GSTA4: variants seen among roughly 807,000 people sequenced by gnomAD.
The protein encoded by GSTA4 is glutathione S-transferase alpha 4.
In GSTA4, 15 loss-of-function variants were observed where a neutral mutation model predicts 24.4. The observed-to-expected ratio is 0.61, with a 90% CI of 0.41 to 0.95. The LOEUF is 0.95. Ranked by LOEUF, GSTA4 falls within the 40% of genes least tolerant of loss-of-function variation. The probability of loss-of-function intolerance (pLI) is 0.00; values close to 1 mark genes in which losing one functional copy is unlikely to be tolerated. For missense variants in GSTA4, 244 were observed against 262.1 expected (o/e 0.93, Z 0.48); for synonymous variants, 92 against 94.2 (o/e 0.98, Z 0.13).
chr6:52,983,370 CCTT>C (rs1763489760), intron 5 of GSTA4, among the ~76,000 whole-genome samples: 1 of 152,154 alleles, frequency 6.6e-6, no homozygotes, highest in African/African-American at 2.4e-5. Context: ...GGGGAGATCC[CCTT>C]CACAGTCAAC....
Position 52,978,503 on chromosome 6 carries a change from A to G in GSTA4, c.636T>C (p.Tyr212=), listed in dbSNP as rs1189813619. Residue 212 remains tyrosine, a synonymous_variant, in exon 7 of 7, where the codon TAT becomes TAC. Transcript: ENST00000370963. The part of the protein sequence containing the change: ...SKKKPPPDEI[Y]VRTVYNIFRP ...TAAAGATGTTGTAGACGGTTCTCAC[A>G]TAAATTTCATCAGGGGGAGGCTTCT... 2.8e-5 allele frequency: 45 copies of G among 1,613,654 alleles called. No homozygotes were observed. The highest frequency in any genetic ancestry group is 3.7e-5 in the Non-Finnish European group (44 of 1,179,758).
intron 3 of GSTA4, among the ~76,000 whole-genome samples, chr6:52,986,652 G>A (rs1763566149): frequency 6.6e-6 from 1 of 152,188 alleles, no homozygotes; most frequent in Non-Finnish European, 1.5e-5. Context: ...GGTGAGGGGA[G>A]AGGCAAGAGG....
intron 2 of GSTA4, among the ~76,000 whole-genome samples, chr6:52,988,317 C>G (rs1482668051): frequency 1.3e-5 from 2 of 150,924 alleles, no homozygotes; most frequent in Non-Finnish European, 3.0e-5. Flanking sequence ...AGGAAAAGCT[C>G]TTTTTTACAG....
At chr6:52,988,420 C>T (rs933044817) in intron 2 of GSTA4, among the ~76,000 whole-genome samples, 2 of 152,090 alleles carry the variant, frequency 1.3e-5, no homozygotes, top group African/African-American at 4.8e-5. Flanking sequence ...TCTAACCAAA[C>T]AATCAAACTT....
chr6:52,983,724 C>T (rs113846053), intron 5 of GSTA4, among the ~76,000 whole-genome samples: 264 of 152,268 alleles, frequency 1.7e-3, no homozygotes, highest in African/African-American at 5.9e-3. Context: ...CCTCTGTGCC[C>T]GTTCCAGACC....
intron 4 of GSTA4, 63 bp from the exon 5 acceptor site, chr6:52,984,668 T>A: frequency 1.6e-6 from 2 of 1,249,624 alleles, no homozygotes; most frequent in Non-Finnish European, 2.2e-6. Flanking sequence ...TTTCCACAAC[T>A]AAGAATTCAG....
At position 52,992,322 on chromosome 6, in the gene GSTA4, A is replaced by C. The variant is rs913094666; in HGVS notation, c.87+1835T>G. ...AGTGACACAAAGAATTGAATAACTG[A>C]AGAAATGAGTGGAGATAAATCTTCC... On this transcript the variant is annotated intron_variant, in intron 2 of 6. Coordinates refer to ENST00000370963, the MANE Select transcript of GSTA4 (RefSeq NM_001512.4). 2.6e-5 allele frequency among the ~76,000 whole-genome samples: 4 copies of C among 152,352 alleles called. No homozygotes were observed. The East Asian group carries it at 7.7e-4, about 29-fold the overall frequency.
chr6:52,994,505 C>A (rs1763728346), intron 1 of GSTA4: 4 of 419,002 alleles, frequency 9.5e-6, no homozygotes, highest in Non-Finnish European at 1.7e-5. Flanking sequence ...GAAGCTGGGG[C>A]CATTTGTTGT....
At chr6:52,992,464 A>C (rs1346055415) in intron 2 of GSTA4, among the ~76,000 whole-genome samples, 1 of 152,226 alleles carries the variant, frequency 6.6e-6, no homozygotes, top group Non-Finnish European at 1.5e-5. Context: ...AAGGAAACAT[A>C]GTAACTTTAA....
chr6:52,994,414 A>T, intron 1 of GSTA4, 153 bp from the exon 2 acceptor site: 1 of 552,500 alleles, frequency 1.8e-6, no homozygotes, highest in Admixed American at 3.1e-5. Flanking sequence ...CAAGAAAAAA[A>T]AACCACCATT....
intron 2 of GSTA4, among the ~76,000 whole-genome samples, chr6:52,992,478 G>T (rs1343929531): frequency 1.3e-5 from 2 of 152,188 alleles, no homozygotes; most frequent in Admixed American, 1.3e-4. Flanking sequence ...ACTTTAAAAT[G>T]CAGCAACCTG....
intron 6 of GSTA4, among the ~76,000 whole-genome samples, chr6:52,979,131 C>T (rs1039997026): frequency 6.6e-6 from 1 of 152,120 alleles, no homozygotes; most frequent in African/African-American, 2.4e-5. Context: ...CTGAAAACAC[C>T]TCCAGTGTAT....
intron 2 of GSTA4, among the ~76,000 whole-genome samples, chr6:52,993,564 A>G (rs1323353579): frequency 6.6e-6 from 1 of 152,208 alleles, no homozygotes. Context: ...ATGAAATGTT[A>G]TGATGTTTGG....
At chr6:52,983,440 G>A (rs145500541) in intron 5 of GSTA4, among the ~76,000 whole-genome samples, 6 of 152,288 alleles carry the variant, frequency 3.9e-5, no homozygotes, top group East Asian at 1.9e-4. Context: ...CAGGGACTCC[G>A]AACACAATTC....
In GSTA4 at chr6:52,994,247, A is replaced by C; in HGVS notation, c.-4T>G. Reference sequence around the variant, plus strand: ...GGAGCTTGGGCCTTGCTGCCATGATAGCTTTTCAGGCTTTCTGAAATACAA... The same window carrying C: ...GGAGCTTGGGCCTTGCTGCCATGATCGCTTTTCAGGCTTTCTGAAATACAA... On this transcript the variant is annotated 5_prime_UTR_variant, in exon 2 of 7. Coordinates refer to ENST00000370963, the MANE Select transcript of GSTA4 (RefSeq NM_001512.4). 1.9e-6 allele frequency: 3 copies of C among 1,601,944 alleles called. No individual in the cohort carries two copies. Among genetic ancestry groups the C allele is most frequent in the Non-Finnish European group, 2.6e-6 (3 of 1,169,066 alleles).
Position 52,978,360 on chromosome 6 carries a change from C to G in GSTA4, c.*110G>C. 9.1e-7 allele frequency: 1 copy of G among 1,104,696 alleles called. No individual in the cohort carries two copies. Among genetic ancestry groups the G allele is most frequent in the Non-Finnish European group, 1.3e-6 (1 of 762,658 alleles). The allele number at this position is 1,104,696 out of a possible 1,614,324, so 68.4% of individuals were successfully genotyped here. On this transcript the variant is annotated 3_prime_UTR_variant, in exon 7 of 7. Transcript: ENST00000370963. ...TGACACAAAAGACCCAACTTAGGAC[C>G]CAACTTAATACATAGATAGCACCAT... is the stretch of plus-strand genomic sequence containing the variant.
At chr6:52,984,383 G>C in intron 5 of GSTA4, 81 bp downstream of exon 5, 1 of 1,328,158 alleles carries the variant, frequency 7.5e-7, no homozygotes, top group South Asian at 1.3e-5. Flanking sequence ...AAAATCCTTG[G>C]ACAGAAAAGG....
chr6:52,978,631 A>G (rs3734431), intron 6 of GSTA4, 39 bp from the exon 7 acceptor site: 117,146 of 1,538,188 alleles, frequency 0.076, 4,625 homozygotes, highest in Middle Eastern at 0.12. Context: ...CTAACAAAAA[A>G]GGTATTAGAT....
intron 6 of GSTA4, 127 bp downstream of exon 6, chr6:52,982,447 C>T: frequency 3.4e-6 from 2 of 593,676 alleles, no homozygotes; most frequent in Non-Finnish European, 5.6e-6. Context: ...TTTCATTTGC[C>T]AAACTAGAAT....
Sources: gnomAD v4.1 joint callset for allele counts (sites outside exome capture counted in the v4.1 genomes callset) on GRCh38, gnomAD v4.1.1 for gene constraint, MANE v1.5 for transcripts, NCBI Gene and HGNC (gene_info 2026-07-23, HGNC 2026-07-21) for gene names.